The following TCF3 variants were observed in gnomAD, a reference collection of about 807,000 sequenced individuals.
TCF3 encodes transcription factor E2-alpha.
A neutral mutation model predicts 72.3 loss-of-function variants in TCF3; 54 were observed. The observed-to-expected ratio is 0.75, with a 90% CI of 0.60 to 0.94. The LOEUF is 0.94. TCF3 is among the 40% of genes least tolerant of loss of function. The probability of loss-of-function intolerance (pLI) is 0.00; values close to 1 mark genes in which losing one functional copy is unlikely to be tolerated. For synonymous variants in TCF3, 525 were observed against 412.6 expected (o/e 1.27, Z -3.30); for missense variants, 1,078 against 934.4 (o/e 1.15, Z -2.00).
intron 8 of TCF3, among the ~76,000 whole-genome samples, chr19:1,623,538 C>T (rs2062515398): frequency 6.6e-6 from 1 of 152,096 alleles, no homozygotes; most frequent in African/African-American, 2.4e-5. Flanking sequence ...CACGCACCAC[C>T]ACGCCCGGCT....
At chr19:1,640,837 T>C (rs1227701464) in intron 3 of TCF3, among the ~76,000 whole-genome samples, 3 of 149,780 alleles carry the variant, frequency 2.0e-5, no homozygotes, top group South Asian at 2.1e-4. Flanking sequence ...AATTGTTGTA[T>C]TACTGATGTT....
Position 1,615,740 on chromosome 19 carries a change from G to A in TCF3, c.1532C>T (p.Ala511Val). 6.2e-7 allele frequency: 1 copy of A among 1,611,834 alleles called. No homozygotes were observed. Among genetic ancestry groups the A allele is most frequent in the Non-Finnish European group, 8.5e-7 (1 of 1,178,580 alleles). ...EKEDEENTSA[A>V]DHSEEEKKEL... is the part of the protein sequence containing the mutation. Reference sequence around the variant, plus strand: ...CTTCTTCTCCTCCTCCGAGTGGTCAGCCGCTGACGTGTTCTCCTCGTCCTC... The same window carrying A: ...CTTCTTCTCCTCCTCCGAGTGGTCAACCGCTGACGTGTTCTCCTCGTCCTC... Residue 511 changes from alanine to valine, a missense_variant, in exon 17 of 19, where the codon GCT becomes GTT. Coordinates refer to ENST00000262965, the MANE Select transcript of TCF3 (RefSeq NM_003200.5). This position sits in a 1 kb window ranked among gnomAD's most constrained non-coding sequence, Gnocchi z 7.3.
intron 13 of TCF3, among the ~76,000 whole-genome samples, chr19:1,620,556 C>T (rs1433757448): frequency 6.6e-6 from 1 of 152,236 alleles, no homozygotes; most frequent in Non-Finnish European, 1.5e-5. Context: ...AGCTGCTAGG[C>T]ACGCCAATGT....
intron 12 of TCF3, 22 bp downstream of exon 12, chr19:1,621,111 C>G (rs1390678294): frequency 1.3e-6 from 2 of 1,525,394 alleles, no homozygotes; most frequent in East Asian, 5.0e-5. Context: ...TGCCTGGCCA[C>G]CCCCCATGCC....
intron 5 of TCF3, among the ~76,000 whole-genome samples, chr19:1,629,474 T>A (rs1472778651): frequency 1.3e-5 from 2 of 151,612 alleles, no homozygotes; most frequent in Non-Finnish European, 2.9e-5. Flanking sequence ...GGGGGTCAGC[T>A]GGCCAGGGCG....
chr19:1,617,554 G>A (rs2061679985), intron 16 of TCF3, among the ~76,000 whole-genome samples: 2 of 152,218 alleles, frequency 1.3e-5, no homozygotes, highest in Non-Finnish European at 1.5e-5. Flanking sequence ...GGCTCACATG[G>A]AGCAAACCAG....
In TCF3 at chr19:1,609,674, G is replaced by A. The variant is rs934843661; in HGVS notation, c.*2033C>T. The A allele has an allele frequency of 7.9e-5, 18 of 226,570 alleles. No individual in the cohort carries two copies. Among genetic ancestry groups the A allele is most frequent in the African/African-American group, 4.0e-4 (18 of 44,802 alleles). The allele number at this position is 226,570 out of a possible 1,614,324, so 14.0% of individuals were successfully genotyped here. On this transcript the variant is annotated 3_prime_UTR_variant, in exon 19 of 19. Coordinates refer to ENST00000262965, the MANE Select transcript of TCF3 (RefSeq NM_003200.5). ...AGAGATCAAACTCCCAGGGCGTAGGGGAAGCCACCGAGAAGGGAGAGGCAG... is the reference window on the plus strand; with the variant it reads ...AGAGATCAAACTCCCAGGGCGTAGGAGAAGCCACCGAGAAGGGAGAGGCAG...
At chr19:1,621,335 CCT>C (rs2062179144) in intron 11 of TCF3, 144 bp from the exon 12 acceptor site, 1 of 1,034,702 alleles carries the variant, frequency 9.7e-7, no homozygotes, top group Non-Finnish European at 1.4e-6. Context: ...TGTCTGACCC[CCT>C]GAAACCAGCC....
chr19:1,642,410 A>G (rs937962573), intron 3 of TCF3, among the ~76,000 whole-genome samples: 3 of 152,178 alleles, frequency 2.0e-5, no homozygotes, highest in Admixed American at 2.0e-4. Context: ...ACGCAGCACC[A>G]CGGGTGGGCG....
intron 2 of TCF3, among the ~76,000 whole-genome samples, chr19:1,648,821 G>C (rs113369704): frequency 4.4e-4 from 49 of 111,942 alleles, no homozygotes; most frequent in South Asian, 2.4e-3. Flanking sequence ...TGGGCATGGG[G>C]GGGGGGGGGG....
intron 3 of TCF3, among the ~76,000 whole-genome samples, chr19:1,638,947 C>T (rs2145252293): frequency 6.6e-6 from 1 of 152,330 alleles, no homozygotes; most frequent in East Asian, 1.9e-4. Flanking sequence ...AGTTTTGAAA[C>T]AAGCGACTCA....
At chr19:1,627,272 G>T in intron 6 of TCF3, 87 bp downstream of exon 6, 2 of 986,616 alleles carry the variant, frequency 2.0e-6, no homozygotes, top group Middle Eastern at 3.4e-4. Flanking sequence ...ACCTAGCTAA[G>T]CCAGGAGAGC....
intron 5 of TCF3, 23 bp downstream of exon 5, chr19:1,632,015 A>C: frequency 4.3e-6 from 7 of 1,609,966 alleles, no homozygotes; most frequent in Non-Finnish European, 5.9e-6. Flanking sequence ...CAGCAGAGGG[A>C]CCGCACCAGG....
intron 13 of TCF3, among the ~76,000 whole-genome samples, chr19:1,620,470 G>C (rs1467618096): frequency 6.6e-6 from 1 of 152,230 alleles, no homozygotes; most frequent in Non-Finnish European, 1.5e-5. Context: ...TACCCAGTGG[G>C]TGAGCAAATG....
At chr19:1,641,069 G>C (rs1267237005) in intron 3 of TCF3, among the ~76,000 whole-genome samples, 1 of 150,190 alleles carries the variant, frequency 6.7e-6, no homozygotes, top group Non-Finnish European at 1.5e-5. Context: ...AGAATCGTTT[G>C]AACTCAGGAG....
At chr19:1,649,236 A>G (rs957899498) in intron 2 of TCF3, among the ~76,000 whole-genome samples, 60 of 152,140 alleles carry the variant, frequency 3.9e-4, no homozygotes, top group African/African-American at 1.4e-3. Context: ...ATCCCAATCC[A>G]GCCTCCTCCT....
At chr19:1,621,798 T>G (rs932875294) in intron 11 of TCF3, 40 bp downstream of exon 11, 6 of 1,532,580 alleles carry the variant, frequency 3.9e-6, no homozygotes, top group Non-Finnish European at 5.3e-6. Flanking sequence ...TGGAGCCCAG[T>G]GTCCCCTCGG....
intron 3 of TCF3, among the ~76,000 whole-genome samples, chr19:1,642,129 TACACACACACACACACACACAC>T (rs10531649): frequency 6.1e-5 from 9 of 147,246 alleles, no homozygotes; most frequent in African/African-American, 1.5e-4. Context: ...TGCACAGAAC[TACACACACACACACACACACAC>T]ACACACACAC....
chr19:1,643,752 G>C (rs1026552579), intron 3 of TCF3, among the ~76,000 whole-genome samples: 1 of 152,230 alleles, frequency 6.6e-6, no homozygotes, highest in African/African-American at 2.4e-5. Flanking sequence ...CTTCACAGGG[G>C]AAAACTTATG....
Sources: gnomAD v4.1 joint callset for allele counts (sites outside exome capture counted in the v4.1 genomes callset) on GRCh38, gnomAD v4.1.1 for gene constraint, Gnocchi (gnomAD v3.1) non-coding constraint, MANE v1.5 for transcripts, NCBI Gene and HGNC (gene_info 2026-07-23, HGNC 2026-07-21) for gene names.